Variants in GLRA3 observed in about 807,000 individuals in gnomAD.
GLRA3 encodes glycine receptor alpha 3, also known as glycine receptor subunit alpha-3.
Under a neutral mutation model 60.4 loss-of-function variants are expected in GLRA3, and 44 were observed. The observed-to-expected ratio is 0.73, with a 90% CI of 0.57 to 0.94. The LOEUF is 0.94. Among genes scored for constraint, GLRA3 ranks in the 40% least tolerant of loss-of-function variants. The probability of loss-of-function intolerance (pLI) is 0.00; values close to 1 mark genes in which losing one functional copy is unlikely to be tolerated. For synonymous variants in GLRA3, 223 were observed against 192.9 expected, an observed-to-expected ratio of 1.16 and a Z score of -1.29; for missense variants, 508 against 564.6, an observed-to-expected ratio of 0.90 and a Z score of 1.02.
rs140047671 is a variant in GLRA3 at position 174,648,356 on chromosome 4, C to T, written c.1117-4292G>A. 3.5e-3 allele frequency among the ~76,000 whole-genome samples: 528 copies of T among 152,134 alleles called. 4 individuals are homozygous for T. Among genetic ancestry groups the T allele is most frequent in the African/African-American group, 0.012 (511 of 41,504 alleles). On this transcript the variant is annotated intron_variant, in intron 9 of 9. Coordinates refer to ENST00000274093, the MANE Select transcript of GLRA3 (RefSeq NM_006529.4). ...GTACATGCCTATAATCCCAGCTACT[C>T]GAGAGGCTGAAGCAGGAGAATCACT...
intron 3 of GLRA3, among the ~76,000 whole-genome samples, chr4:174,745,364 T>C (rs1043017580): frequency 5.3e-5 from 8 of 152,100 alleles, no homozygotes; most frequent in Non-Finnish European, 1.2e-4. Flanking sequence ...CTGAAGTCAA[T>C]GGCAAAGGAG....
intron 6 of GLRA3, among the ~76,000 whole-genome samples, chr4:174,680,349 T>TC (rs1380753338): frequency 1.3e-5 from 2 of 151,962 alleles, no homozygotes; most frequent in East Asian, 3.9e-4. Context: ...ACAGAATAAA[T>TC]ATAATACAAA....
chr4:174,648,955 G>A (rs565295654), intron 9 of GLRA3, among the ~76,000 whole-genome samples: 1 of 152,238 alleles, frequency 6.6e-6, no homozygotes, highest in East Asian at 1.9e-4. Flanking sequence ...ACTCCACTAA[G>A]GAACCCTGTT....
In GLRA3 at chr4:174,643,293, A is replaced by C; in HGVS notation, c.*493T>G. ...TTGTTTAAATAGTATTTATATGTAC[A>C]ATCCTCCATTAATATGAGTGAATTT... is the stretch of plus-strand genomic sequence containing the variant. On this transcript the variant is annotated 3_prime_UTR_variant, in exon 10 of 10. Coordinates refer to ENST00000274093, the MANE Select transcript of GLRA3 (RefSeq NM_006529.4). 1 of 663,404 alleles carries C rather than the reference A, an allele frequency of 1.5e-6. No homozygotes were observed. Among genetic ancestry groups the C allele is most frequent in the Non-Finnish European group, 1.9e-6 (1 of 537,460 alleles). The allele number at this position is 663,404 out of a possible 1,614,324, so 41.1% of individuals were successfully genotyped here.
intron 7 of GLRA3, among the ~76,000 whole-genome samples, chr4:174,671,189 A>C (rs1733891657): frequency 6.6e-6 from 1 of 152,130 alleles, no homozygotes; most frequent in Non-Finnish European, 1.5e-5. Flanking sequence ...TTTGTACTGA[A>C]CTTGATTGAA....
At chr4:174,760,506 T>C (rs1579564011) in intron 3 of GLRA3, among the ~76,000 whole-genome samples, 1 of 150,216 alleles carries the variant, frequency 6.7e-6, no homozygotes, top group African/African-American at 2.4e-5. Context: ...ATATACTATA[T>C]TAGAAGGTAA....
chr4:174,794,332 T>C (rs537363657), intron 1 of GLRA3, among the ~76,000 whole-genome samples: 1 of 152,274 alleles, frequency 6.6e-6, no homozygotes, highest in Admixed American at 6.5e-5. Context: ...ATACAAGTAG[T>C]GGTAGGGACT....
At chr4:174,765,230 T>C (rs1243999661) in intron 3 of GLRA3, among the ~76,000 whole-genome samples, 1 of 152,058 alleles carries the variant, frequency 6.6e-6, no homozygotes, top group Non-Finnish European at 1.5e-5. Context: ...AGCCATCTTA[T>C]AGATTGTGTT....
At chr4:174,736,458 C>A (rs1736793593) in intron 3 of GLRA3, among the ~76,000 whole-genome samples, 1 of 152,100 alleles carries the variant, frequency 6.6e-6, no homozygotes, top group Non-Finnish European at 1.5e-5. Flanking sequence ...AATCCTGTAT[C>A]CAGTTAGTGA....
At chr4:174,759,802 A>G (rs1737870838) in intron 3 of GLRA3, among the ~76,000 whole-genome samples, 1 of 152,190 alleles carries the variant, frequency 6.6e-6, no homozygotes, top group South Asian at 2.1e-4. Context: ...TTCAATTGTG[A>G]AATGAAAATA....
At chr4:174,741,555 A>AT (rs1737027143) in intron 3 of GLRA3, among the ~76,000 whole-genome samples, 1 of 151,762 alleles carries the variant, frequency 6.6e-6, no homozygotes, top group South Asian at 2.1e-4. Context: ...TATTAACAGC[A>AT]TTTTTCACAG....
chr4:174,793,974 A>G (rs1287532830), intron 1 of GLRA3, among the ~76,000 whole-genome samples: 1 of 152,166 alleles, frequency 6.6e-6, no homozygotes, highest in Non-Finnish European at 1.5e-5. Context: ...TTGACAAAAA[A>G]GTAATTTTAT....
At chr4:174,746,067 T>C (rs1737233207) in intron 3 of GLRA3, among the ~76,000 whole-genome samples, 1 of 152,066 alleles carries the variant, frequency 6.6e-6, no homozygotes, top group Non-Finnish European at 1.5e-5. Flanking sequence ...GTACAACCAC[T>C]ATGGGAAACA....
rs1317884072 is a variant in GLRA3, at chr4:174,638,719, C to T, written c.*5067G>A. 6.6e-6 allele frequency: 1 copy of T among 152,138 alleles called. No homozygotes were observed. Among genetic ancestry groups the T allele is most frequent in the Non-Finnish European group, 1.5e-5 (1 of 68,028 alleles). The allele number at this position is 152,138 out of a possible 1,614,324, so 9.4% of individuals were successfully genotyped here. ...TTAAGAGAATAAGCTTGTGTAAGTT[C>T]ACACGAATTCTCTCACTTCTGGAAT... On this transcript the variant is annotated 3_prime_UTR_variant, in exon 10 of 10. Coordinates refer to ENST00000274093, the MANE Select transcript of GLRA3 (RefSeq NM_006529.4).
At chr4:174,680,517 A>T (rs12647358) in intron 6 of GLRA3, among the ~76,000 whole-genome samples, 33 of 152,264 alleles carry the variant, frequency 2.2e-4, no homozygotes, top group Admixed American at 2.1e-3. Context: ...AAGTGGGAGT[A>T]TTAGGCTTGG....
At chr4:174,735,428 T>C (rs1018233362) in intron 3 of GLRA3, among the ~76,000 whole-genome samples, 2 of 152,228 alleles carry the variant, frequency 1.3e-5, no homozygotes, top group East Asian at 3.8e-4. Flanking sequence ...GAAATTTGCA[T>C]CACAAATCCA....
At chr4:174,782,627 A>G (rs1268830391) in intron 2 of GLRA3, among the ~76,000 whole-genome samples, 1 of 152,188 alleles carries the variant, frequency 6.6e-6, no homozygotes, top group Non-Finnish European at 1.5e-5. Context: ...AAGTCTCAGG[A>G]TACAATATCA....
chr4:174,765,496 T>A (rs572418698), intron 3 of GLRA3, among the ~76,000 whole-genome samples: 3 of 152,022 alleles, frequency 2.0e-5, no homozygotes, highest in Admixed American at 2.0e-4. Context: ...GGATTACACA[T>A]GTATAGAAAC....
chr4:174,666,636 G>A (rs1409676578), intron 7 of GLRA3, among the ~76,000 whole-genome samples: 2 of 151,168 alleles, frequency 1.3e-5, no homozygotes, highest in African/African-American at 4.8e-5. Context: ...CATATGGTCT[G>A]TAGATTTCTT....
Sources: gnomAD v4.1 joint callset for allele counts (sites outside exome capture counted in the v4.1 genomes callset) on GRCh38, gnomAD v4.1.1 for gene constraint, MANE v1.5 for transcripts, NCBI Gene and HGNC (gene_info 2026-07-23, HGNC 2026-07-21) for gene names.